Variants in DCBLD1 observed in about 807,000 individuals in gnomAD.
DCBLD1 encodes discoidin, CUB and LCCL domain containing 1.
DCBLD1 carries 57 observed loss-of-function variants against 71.5 expected under a neutral mutation model. That is an observed-to-expected ratio of 0.80 (90% CI 0.64 to 0.99). The LOEUF (loss-of-function observed/expected upper bound fraction) is 0.99. Ranked by LOEUF, DCBLD1 falls within the 50% of genes least tolerant of loss-of-function variation. The pLI is 0.00. For missense variants in DCBLD1, 891 were observed against 923.5 expected (o/e 0.96, Z 0.46); for synonymous variants, 380 against 363.8 (o/e 1.04, Z -0.51).
At chr6:117,515,269 A>C (rs1778156408) in intron 2 of DCBLD1, among the ~76,000 whole-genome samples, 1 of 151,796 alleles carries the variant, frequency 6.6e-6, no homozygotes, top group South Asian at 2.1e-4. Context: ...GACTCCGCTC[A>C]CCTTGGCCTC....
intron 1 of DCBLD1, among the ~76,000 whole-genome samples, chr6:117,502,440 G>A (rs1300123536): frequency 6.6e-6 from 1 of 152,166 alleles, no homozygotes; most frequent in East Asian, 1.9e-4. Flanking sequence ...AGATTCTGGA[G>A]TTTTCAAATC....
At chr6:117,533,686 T>C (rs1778796717) in intron 6 of DCBLD1, among the ~76,000 whole-genome samples, 1 of 152,118 alleles carries the variant, frequency 6.6e-6, no homozygotes, top group Non-Finnish European at 1.5e-5. Context: ...ATGATTGAGG[T>C]TGTTGGCCCA....
chr6:117,520,883 G>A (rs1778363159), intron 3 of DCBLD1, among the ~76,000 whole-genome samples: 1 of 152,162 alleles, frequency 6.6e-6, no homozygotes, highest in South Asian at 2.1e-4. Flanking sequence ...ACCATATATT[G>A]CTCCCAAAGA....
At chr6:117,551,229 G>C (rs1779421743), downstream of DCBLD1, among the ~76,000 whole-genome samples, 1 of 152,046 alleles carries the variant, frequency 6.6e-6, no homozygotes, top group Non-Finnish European at 1.5e-5. Context: ...TGTGCCTCTT[G>C]AATCTTAGCA....
chr6:117,563,450 A>G (rs1484284651), intron 14 of DCBLD1: 1 of 1,495,514 alleles, frequency 6.7e-7, no homozygotes. Context: ...GGTCAGGTGC[A>G]GTGGCTCATA....
At chr6:117,564,114 G>A (rs1779645205) in intron 14 of DCBLD1, among the ~76,000 whole-genome samples, 1 of 151,852 alleles carries the variant, frequency 6.6e-6, no homozygotes, top group South Asian at 2.1e-4. Context: ...AGTAGCTGGA[G>A]CTACAAGCAT....
chr6:117,521,375 T>A, intron 3 of DCBLD1, 150 bp from the exon 4 acceptor site: 1 of 614,978 alleles, frequency 1.6e-6, no homozygotes, highest in South Asian at 2.2e-5. Flanking sequence ...ACAGTGATTC[T>A]CAGTGTTTAT....
chr6:117,546,580 G>T (rs1583034418), intron 14 of DCBLD1, among the ~76,000 whole-genome samples: 1 of 152,268 alleles, frequency 6.6e-6, no homozygotes, highest in Admixed American at 6.5e-5. Context: ...CCTAATTTCT[G>T]TTGTCTTATG....
intron 14 of DCBLD1, chr6:117,562,294 G>T: frequency 4.9e-6 from 1 of 205,350 alleles, no homozygotes; most frequent in African/African-American, 2.3e-5. Context: ...CATTTACTTA[G>T]AAAGAAAACT....
At chr6:117,492,401 C>T (rs1245258260) in intron 1 of DCBLD1, among the ~76,000 whole-genome samples, 1 of 152,202 alleles carries the variant, frequency 6.6e-6, no homozygotes, top group Non-Finnish European at 1.5e-5. Context: ...AGGCACGTAT[C>T]TTACAATTCT....
At chr6:117,508,002 C>T (rs1221742698) in intron 2 of DCBLD1, 3 of 152,112 alleles carry the variant, frequency 2.0e-5, no homozygotes, top group Non-Finnish European at 4.4e-5. Flanking sequence ...ATCAAAACTG[C>T]ATTGATTTTT....
chr6:117,542,594 A>G (rs938453930), intron 11 of DCBLD1, among the ~76,000 whole-genome samples: 2 of 152,142 alleles, frequency 1.3e-5, no homozygotes, highest in Admixed American at 1.3e-4. Flanking sequence ...CATAGTGGAA[A>G]TGCAGTTTTA....
intron 1 of DCBLD1, among the ~76,000 whole-genome samples, chr6:117,499,129 G>T (rs73555250): frequency 6.6e-6 from 1 of 151,572 alleles, no homozygotes; most frequent in Non-Finnish European, 1.5e-5. Flanking sequence ...TAGGCTAGGT[G>T]CAGTGGTGCA....
At chr6:117,501,272 C>A (rs959737483) in intron 1 of DCBLD1, among the ~76,000 whole-genome samples, 1 of 152,156 alleles carries the variant, frequency 6.6e-6, no homozygotes, top group African/African-American at 2.4e-5. Context: ...AAGGGACAGC[C>A]ACTGTGTCAC....
chr6:117,515,325 T>C (rs796628850), intron 2 of DCBLD1, among the ~76,000 whole-genome samples: 8 of 152,202 alleles, frequency 5.3e-5, no homozygotes, highest in African/African-American at 1.9e-4. Context: ...CCTGGCCACC[T>C]ACAGTTTTCA....
chr6:117,521,924 G>A (rs765293087), intron 4 of DCBLD1, among the ~76,000 whole-genome samples: 4 of 152,196 alleles, frequency 2.6e-5, no homozygotes, highest in East Asian at 1.9e-4. Context: ...TCAGTAGGGC[G>A]GATTTGGCTC....
intron 14 of DCBLD1, among the ~76,000 whole-genome samples, chr6:117,566,249 T>C (rs1779694313): frequency 6.6e-6 from 1 of 152,172 alleles, no homozygotes; most frequent in Non-Finnish European, 1.5e-5. Context: ...TTAGTATTAT[T>C]ATGAAAAGCT....
At chr6:117,529,678 C>T (rs1778652578) in intron 5 of DCBLD1, among the ~76,000 whole-genome samples, 1 of 152,082 alleles carries the variant, frequency 6.6e-6, no homozygotes, top group Non-Finnish European at 1.5e-5. Context: ...GAGGGAGTGA[C>T]TATTTTAAAG....
At chr6:117,525,473 G>C (rs1280439390) in intron 5 of DCBLD1, 39 bp downstream of exon 5, 11 of 1,404,122 alleles carry the variant, frequency 7.8e-6, no homozygotes, top group Non-Finnish European at 1.0e-5. Context: ...TGAATTAAAA[G>C]GAGTAAGTGC....
Sources: gnomAD v4.1 joint callset for allele counts (sites outside exome capture counted in the v4.1 genomes callset) on GRCh38, gnomAD v4.1.1 for gene constraint, MANE v1.5 for transcripts, NCBI Gene and HGNC (gene_info 2026-07-23, HGNC 2026-07-21) for gene names.